The following BBS9 variants were observed in gnomAD, a reference collection of about 807,000 sequenced individuals.
BBS9 encodes the protein Bardet-Biedl syndrome 9.
BBS9 carries 89 observed loss-of-function variants against 117.7 expected under a neutral mutation model. The observed-to-expected ratio is 0.76, with a 90% CI of 0.64 to 0.90. The LOEUF (loss-of-function observed/expected upper bound fraction) is 0.90. Among genes scored for constraint, BBS9 ranks in the 40% least tolerant of loss-of-function variants. BBS9 has a pLI of 0.00. For synonymous variants in BBS9, 379 were observed against 370.9 expected, an observed-to-expected ratio of 1.02 and a Z score of -0.25; for missense variants, 982 against 1,042.2, an observed-to-expected ratio of 0.94 and a Z score of 0.80.
intron 13 of BBS9, among the ~76,000 whole-genome samples, chr7:33,350,781 T>C (rs938508260): frequency 5.3e-5 from 8 of 152,232 alleles, no homozygotes; most frequent in Non-Finnish European, 1.2e-4. Flanking sequence ...TCTCACTCTG[T>C]TGCCTGGACT....
intron 9 of BBS9, among the ~76,000 whole-genome samples, chr7:33,279,485 G>C (rs1801413248): frequency 6.6e-6 from 1 of 152,190 alleles, no homozygotes; most frequent in African/African-American, 2.4e-5. Context: ...TTCCTTGGCT[G>C]AATGTGTTGA....
chr7:33,331,457 A>C lies in BBS9; in HGVS notation c.1017-4984A>C, dbSNP rs532314542. Among the ~76,000 whole-genome samples the C allele has an allele frequency of 1.8e-4, 28 of 152,316 alleles. No individual in the cohort carries two copies. In the South Asian group the frequency reaches 5.4e-3, roughly 29 times the overall value. ...AAAGAAAGAAATAATCCAAATTAGAAAAGAGGAAGTCAAATTGTCACTATT... is the reference window on the plus strand; with the variant it reads ...AAAGAAAGAAATAATCCAAATTAGACAAGAGGAAGTCAAATTGTCACTATT... On this transcript the variant is annotated intron_variant, in intron 9 of 22. Transcript: ENST00000242067.
At position 33,397,883 on chromosome 7, in the gene BBS9, A is replaced by C. The variant is rs1269777309; in HGVS notation, c.2115+9739A>C. Among the ~76,000 whole-genome samples, 3 of 152,236 alleles carry C rather than the reference A, an allele frequency of 2.0e-5. No homozygotes were observed. The East Asian group carries it at 5.8e-4, about 29-fold the overall frequency. On this transcript the variant is annotated intron_variant, in intron 19 of 22. Coordinates refer to ENST00000242067, the MANE Select transcript of BBS9 (RefSeq NM_198428.3). ...CTAATGGGTGCTGGGATTAATATCT[A>C]GGTGATGGATTGATCTGTGCAACAA...
chr7:33,399,849 C>A (rs1828622333), intron 19 of BBS9, among the ~76,000 whole-genome samples: 1 of 151,888 alleles, frequency 6.6e-6, no homozygotes, highest in South Asian at 2.1e-4. Context: ...GTTATGGTTC[C>A]CTGGATTTAG....
At chr7:33,173,391 T>C (rs1036207647) in intron 4 of BBS9, among the ~76,000 whole-genome samples, 5 of 151,832 alleles carry the variant, frequency 3.3e-5, no homozygotes, top group African/African-American at 1.2e-4. Context: ...CCATCCTGGC[T>C]AACACCGTGA....
chr7:33,633,717 T>G (rs1464158981), intron 21 of BBS9, among the ~76,000 whole-genome samples: 1 of 152,148 alleles, frequency 6.6e-6, no homozygotes, highest in African/African-American at 2.4e-5. Context: ...ACTTTACAGA[T>G]TCAGAGGAAA....
intron 4 of BBS9, among the ~76,000 whole-genome samples, chr7:33,166,341 C>T (rs1463352359): frequency 6.6e-6 from 1 of 152,246 alleles, no homozygotes; most frequent in Non-Finnish European, 1.5e-5. Flanking sequence ...GGCAGTCTGT[C>T]TGTTCTCAGA....
Position 33,233,350 on chromosome 7 carries a change from T to C in BBS9, c.443-23886T>C, listed in dbSNP as rs978328651. ...TAAAATGTCACAAGGTCACAAAAAG[T>C]TTTTTTATAAACTACAAATAATCTG... On this transcript the variant is annotated intron_variant, in intron 5 of 22. Coordinates refer to ENST00000242067, the MANE Select transcript of BBS9 (RefSeq NM_198428.3). 3.3e-4 allele frequency among the ~76,000 whole-genome samples: 50 copies of C among 152,120 alleles called. 1 individual carries two copies. Among genetic ancestry groups the C allele is most frequent in the Admixed American group, 1.3e-4 (2 of 15,240 alleles).
rs147791070 is a variant in BBS9, at chr7:33,394,362, A to G, written c.2115+6218A>G. Among the ~76,000 whole-genome samples the G allele has an allele frequency of 2.7e-3, 407 of 152,128 alleles. 2 individuals carry two copies. The highest frequency in any genetic ancestry group is 9.5e-3 in the African/African-American group (395 of 41,498). On this transcript the variant is annotated intron_variant, in intron 19 of 22. Coordinates refer to ENST00000242067, the MANE Select transcript of BBS9 (RefSeq NM_198428.3). The stretch of plus-strand genomic sequence containing the variant: ...GGGAGCTAACTGGTGGGAACACATG[A>G]AGACATAGAGGGGAACAACACACAC...
chr7:33,370,965 C>G (rs1267179923), intron 17 of BBS9, among the ~76,000 whole-genome samples: 1 of 152,084 alleles, frequency 6.6e-6, no homozygotes, highest in African/African-American at 2.4e-5. Flanking sequence ...AAGAGAAAAT[C>G]AGAGCAGGAA....
At chr7:33,327,556 T>A (rs1270484219) in intron 9 of BBS9, among the ~76,000 whole-genome samples, 1 of 151,954 alleles carries the variant, frequency 6.6e-6, no homozygotes, top group African/African-American at 2.4e-5. Context: ...AAAATTAGCT[T>A]GGTATGTTGG....
chr7:33,303,966 C>G (rs1297413626), intron 9 of BBS9, among the ~76,000 whole-genome samples: 2 of 152,014 alleles, frequency 1.3e-5, no homozygotes, highest in Non-Finnish European at 2.9e-5. Flanking sequence ...GCCTGGCCGC[C>G]CATCCTCTGG....
chr7:33,507,724 A>T (rs913433775), intron 20 of BBS9, among the ~76,000 whole-genome samples: 1 of 152,254 alleles, frequency 6.6e-6, no homozygotes, highest in Non-Finnish European at 1.5e-5. Flanking sequence ...GACCTCAAAG[A>T]ATAGATGCAG....
At chr7:33,438,216 G>A (rs1423607484) in intron 19 of BBS9, among the ~76,000 whole-genome samples, 2 of 152,056 alleles carry the variant, frequency 1.3e-5, no homozygotes, top group East Asian at 3.9e-4. Flanking sequence ...GCCTAAATGG[G>A]AAACATATAC....
At chr7:33,174,735 T>TC (rs1360225346) in intron 4 of BBS9, among the ~76,000 whole-genome samples, 2 of 152,240 alleles carry the variant, frequency 1.3e-5, no homozygotes, top group East Asian at 3.8e-4. Flanking sequence ...AAACTTGATT[T>TC]AACAGTTCAG....
At chr7:33,329,924 A>T (rs1813660754) in intron 9 of BBS9, among the ~76,000 whole-genome samples, 1 of 152,142 alleles carries the variant, frequency 6.6e-6, no homozygotes, top group African/African-American at 2.4e-5. Flanking sequence ...AATTGTCTGT[A>T]GATGGCCTTT....
At chr7:33,433,236 C>T (rs960050644) in intron 19 of BBS9, among the ~76,000 whole-genome samples, 5 of 152,084 alleles carry the variant, frequency 3.3e-5, no homozygotes, top group Admixed American at 1.3e-4. Context: ...ACAAGTCTTT[C>T]GTTAATGGGT....
chr7:33,216,539 A>G (rs1789097873), intron 5 of BBS9, among the ~76,000 whole-genome samples: 3 of 152,202 alleles, frequency 2.0e-5, no homozygotes, highest in Admixed American at 2.0e-4. Context: ...ACATTTCCTG[A>G]TCTTTTAAAA....
chr7:33,613,623 C>T (rs919501095), intron 21 of BBS9, among the ~76,000 whole-genome samples: 4 of 151,858 alleles, frequency 2.6e-5, no homozygotes, highest in African/African-American at 9.7e-5. Flanking sequence ...ACCTCATTCG[C>T]TTAAGTGGAT....
Sources: gnomAD v4.1 joint callset for allele counts (sites outside exome capture counted in the v4.1 genomes callset) on GRCh38, gnomAD v4.1.1 for gene constraint, MANE v1.5 for transcripts, NCBI Gene and HGNC (gene_info 2026-07-23, HGNC 2026-07-21) for gene names.